Variants in GALNTL6 observed in about 807,000 individuals in gnomAD.
GALNTL6 encodes the protein polypeptide N-acetylgalactosaminyltransferase-like 6.
Under a neutral mutation model 73.7 loss-of-function variants are expected in GALNTL6, and 46 were observed. That is an observed-to-expected ratio of 0.62 (90% CI 0.49 to 0.80). The LOEUF is 0.80. Among genes scored for constraint, GALNTL6 ranks in the 30% least tolerant of loss-of-function variants. GALNTL6 has a pLI of 0.00. For synonymous variants in GALNTL6, 259 were observed against 263.7 expected, an observed-to-expected ratio of 0.98 and a Z score of 0.17; for missense variants, 604 against 755.0, an observed-to-expected ratio of 0.80 and a Z score of 2.34.
chr4:172,820,580 C>G (rs868667995), intron 7 of GALNTL6, among the ~76,000 whole-genome samples: 6 of 152,022 alleles, frequency 3.9e-5, no homozygotes, highest in Non-Finnish European at 7.4e-5. Context: ...GGGGTTTTCT[C>G]CACTTTCACC....
intron 5 of GALNTL6, among the ~76,000 whole-genome samples, chr4:172,575,214 A>G (rs1418220352): frequency 1.3e-5 from 2 of 152,190 alleles, no homozygotes; most frequent in Non-Finnish European, 2.9e-5. Flanking sequence ...GTTGTAACTA[A>G]ATTCAGCATA....
intron 2 of GALNTL6, among the ~76,000 whole-genome samples, chr4:171,948,206 CTCTT>C (rs1738760761): frequency 6.6e-6 from 1 of 151,986 alleles, no homozygotes; most frequent in Non-Finnish European, 1.5e-5. Context: ...GGCACAGAGC[CTCTT>C]TATTTCCCTT....
intron 2 of GALNTL6, among the ~76,000 whole-genome samples, chr4:172,214,761 C>A (rs973789060): frequency 6.6e-6 from 1 of 152,048 alleles, no homozygotes. Context: ...GATCGGCCTG[C>A]CTTGGCCTCT....
At chr4:172,033,460 C>T (rs1454671317) in intron 2 of GALNTL6, among the ~76,000 whole-genome samples, 1 of 151,836 alleles carries the variant, frequency 6.6e-6, no homozygotes, top group Admixed American at 6.6e-5. Flanking sequence ...ATTAGAATGT[C>T]TGGGGTTTCA....
At chr4:172,818,932 G>A (rs919237113) in intron 7 of GALNTL6, among the ~76,000 whole-genome samples, 5 of 152,112 alleles carry the variant, frequency 3.3e-5, no homozygotes, top group African/African-American at 1.2e-4. Flanking sequence ...AAACCACTAT[G>A]TTCCACAGAC....
At chr4:172,858,645 C>T (rs966570139) in intron 7 of GALNTL6, among the ~76,000 whole-genome samples, 6 of 152,254 alleles carry the variant, frequency 3.9e-5, no homozygotes, top group East Asian at 1.9e-4. Context: ...GCCTGACCAA[C>T]GTGAAACCTA....
At chr4:171,929,176 C>A (rs1738088472) in intron 2 of GALNTL6, among the ~76,000 whole-genome samples, 1 of 152,120 alleles carries the variant, frequency 6.6e-6, no homozygotes, top group Non-Finnish European at 1.5e-5. Context: ...AAGCCATCCT[C>A]CCATCTCAAC....
At chr4:172,614,011 A>G (rs1246158767) in intron 5 of GALNTL6, among the ~76,000 whole-genome samples, 1 of 152,162 alleles carries the variant, frequency 6.6e-6, no homozygotes, top group Non-Finnish European at 1.5e-5. Context: ...TTATAGTCTT[A>G]TACTGGGGAA....
At chr4:172,440,980 A>T (rs914902111) in intron 5 of GALNTL6, among the ~76,000 whole-genome samples, 1 of 151,992 alleles carries the variant, frequency 6.6e-6, no homozygotes, top group Non-Finnish European at 1.5e-5. Context: ...TAGAGTGTTG[A>T]GTCATATTTA....
At chr4:172,767,760 C>T (rs1167453922) in intron 5 of GALNTL6, among the ~76,000 whole-genome samples, 4 of 151,068 alleles carry the variant, frequency 2.6e-5, no homozygotes, top group Admixed American at 6.6e-5. Context: ...ACTTCCACCT[C>T]CCAGGTTCAA....
chr4:172,119,673 C>A (rs551815104), intron 2 of GALNTL6, among the ~76,000 whole-genome samples: 32 of 152,254 alleles, frequency 2.1e-4, no homozygotes, highest in South Asian at 8.3e-4. Context: ...CTTGATTCAA[C>A]TCAGTCATTG....
intron 11 of GALNTL6, among the ~76,000 whole-genome samples, chr4:173,010,067 C>T (rs965577472): frequency 1.3e-5 from 2 of 151,984 alleles, no homozygotes; most frequent in African/African-American, 2.4e-5. Flanking sequence ...CTATAGTCAC[C>T]GTGTTGTGCT....
intron 3 of GALNTL6, among the ~76,000 whole-genome samples, chr4:172,261,389 A>G (rs1738253269): frequency 6.6e-6 from 1 of 151,324 alleles, no homozygotes; most frequent in African/African-American, 2.4e-5. Context: ...TAGTTTGTGC[A>G]TGTAAAGGCG....
At chr4:172,361,037 T>C (rs1210835216) in intron 5 of GALNTL6, among the ~76,000 whole-genome samples, 1 of 152,100 alleles carries the variant, frequency 6.6e-6, no homozygotes, top group African/African-American at 2.4e-5. Flanking sequence ...CTTAGTTTAA[T>C]ATGTTAACAC....
intron 5 of GALNTL6, among the ~76,000 whole-genome samples, chr4:172,537,642 TTGTC>T (rs1386172107): frequency 6.6e-6 from 1 of 152,180 alleles, no homozygotes; most frequent in African/African-American, 2.4e-5. Context: ...TATTGTGTGT[TTGTC>T]TAAGTTTTTT....
intron 3 of GALNTL6, among the ~76,000 whole-genome samples, chr4:172,240,228 G>GTTTA (rs977342216): frequency 6.6e-6 from 1 of 151,612 alleles, no homozygotes; most frequent in African/African-American, 2.4e-5. Context: ...TTGTTTGTTT[G>GTTTA]TTTGTTTGTT....
intron 2 of GALNTL6, among the ~76,000 whole-genome samples, chr4:171,998,149 G>A (rs1198862134): frequency 2.0e-5 from 3 of 152,140 alleles, no homozygotes; most frequent in African/African-American, 7.2e-5. Context: ...CTAAGTTTTA[G>A]TAATTACTGA....
chr4:172,518,494 G>T (rs1238714775), intron 5 of GALNTL6, among the ~76,000 whole-genome samples: 1 of 151,932 alleles, frequency 6.6e-6, no homozygotes, highest in Non-Finnish European at 1.5e-5. Context: ...AGAGAACGGT[G>T]AAGATGATGA....
At chr4:172,169,725 G>T (rs1734751259) in intron 2 of GALNTL6, among the ~76,000 whole-genome samples, 1 of 152,178 alleles carries the variant, frequency 6.6e-6, no homozygotes. Flanking sequence ...GGGCTAGAAA[G>T]GGCAATTGAT....
Sources: allele counts gnomAD v4.1 joint callset (sites outside exome capture counted in the v4.1 genomes callset), GRCh38; gene constraint gnomAD v4.1.1; transcripts MANE v1.5; gene names NCBI Gene and HGNC (gene_info 2026-07-23, HGNC 2026-07-21).